The following RSF1 variants were observed in gnomAD, a reference collection of about 807,000 sequenced individuals.
RSF1 encodes the protein remodeling and spacing factor 1.
In RSF1, 13 loss-of-function variants were observed where a neutral mutation model predicts 145.2. The observed-to-expected ratio is 0.09, with a 90% CI of 0.06 to 0.14. RSF1 has a LOEUF of 0.14. Ranked by LOEUF, RSF1 falls within the 10% of genes least tolerant of loss-of-function variation. The pLI is 1.00. For synonymous variants in RSF1, 577 were observed against 592.6 expected (o/e 0.97, Z 0.38); for missense variants, 1,517 against 1,718.2 (o/e 0.88, Z 2.07).
intron 2 of RSF1, among the ~76,000 whole-genome samples, chr11:77,757,592 C>T (rs1196523211): frequency 9.2e-5 from 14 of 152,068 alleles, no homozygotes; most frequent in African/African-American, 2.9e-4. Context: ...GCAGGAGAAT[C>T]GCTTGAACCC....
intron 1 of RSF1, among the ~76,000 whole-genome samples, chr11:77,784,481 G>T (rs752965769): frequency 1.3e-5 from 2 of 151,088 alleles, no homozygotes; most frequent in Non-Finnish European, 2.9e-5. Flanking sequence ...GCTTCTTTGG[G>T]TTCATTTTTC....
At chr11:77,709,133 T>G (rs965745843) in intron 5 of RSF1, among the ~76,000 whole-genome samples, 1 of 152,160 alleles carries the variant, frequency 6.6e-6, no homozygotes, top group African/African-American at 2.4e-5. Context: ...AAAATCCTTT[T>G]TCTCTGGTAT....
the RSF1 span, among the ~76,000 whole-genome samples, chr11:77,870,333 T>A: frequency 7.4e-6 from 1 of 135,622 alleles, no homozygotes; most frequent in Admixed American, 7.3e-5. Flanking sequence ...TTTTTAATTT[T>A]TTTTTTTTTT....
chr11:77,829,853 T>C, the RSF1 span: 1 of 152,204 alleles, frequency 6.6e-6, no homozygotes, highest in Non-Finnish European at 1.5e-5. Context: ...AAATCAAGTC[T>C]GGGCACAGTT....
upstream of RSF1, chr11:77,820,995 T>G: frequency 1.0e-5 from 5 of 477,906 alleles, no homozygotes; most frequent in South Asian, 3.6e-5. Flanking sequence ...CACTGCCTCG[T>G]GTGACAGGGG....
intron 1 of RSF1, among the ~76,000 whole-genome samples, chr11:77,813,058 A>G (rs965822042): frequency 5.9e-5 from 9 of 152,092 alleles, no homozygotes; most frequent in African/African-American, 2.2e-4. Flanking sequence ...TAAACACTGC[A>G]AATTCCCCAC....
chr11:77,773,999 C>A (rs1401093955), intron 1 of RSF1, among the ~76,000 whole-genome samples: 1 of 152,110 alleles, frequency 6.6e-6, no homozygotes, highest in Non-Finnish European at 1.5e-5. Context: ...CTAAGTAAAA[C>A]CAGGAAAGGA....
At chr11:77,869,769 G>C in the RSF1 span, 1 of 1,614,006 alleles carries the variant, frequency 6.2e-7, no homozygotes, top group Non-Finnish European at 8.5e-7. Context: ...TTGTTGAGAA[G>C]GGTGTACAGA....
intron 4 of RSF1, among the ~76,000 whole-genome samples, chr11:77,733,104 T>C (rs1961247988): frequency 6.6e-6 from 1 of 152,216 alleles, no homozygotes; most frequent in South Asian, 2.1e-4. Flanking sequence ...ATGAAATTTA[T>C]AGGTTATGGG....
At chr11:77,693,925 C>T (rs1590833849) in intron 7 of RSF1, among the ~76,000 whole-genome samples, 2 of 152,102 alleles carry the variant, frequency 1.3e-5, no homozygotes, top group South Asian at 4.2e-4. Flanking sequence ...GCTGGGACTA[C>T]AGGTGCCTGC....
chr11:77,698,760 C>A, intron 6 of RSF1, 67 bp from the exon 7 acceptor site: 1 of 1,309,240 alleles, frequency 7.6e-7, no homozygotes, highest in Non-Finnish European at 1.1e-6. Flanking sequence ...CTCCTGATTA[C>A]ATGTCCATTG....
chr11:77,701,564 A>G lies in RSF1; in HGVS notation c.1665T>C (p.Ala555=). The part of the protein sequence containing the change: ...EMAKDLSSKT[A]LSSTESCTMK... ...TGGTACACGACTCGGTGGAAGATAA[A>G]GCAGTTTTTGAAGAGAGATCTTTTG... Residue 555 remains alanine (A), a synonymous_variant, in exon 6 of 16, where the codon GCT becomes GCC. Coordinates refer to ENST00000308488, the MANE Select transcript of RSF1 (RefSeq NM_016578.4). 2 of 1,614,036 alleles carry G rather than the reference A, an allele frequency of 1.2e-6. No individual in the cohort carries two copies. Among genetic ancestry groups the G allele is most frequent in the Non-Finnish European group, 1.7e-6 (2 of 1,179,990 alleles).
intron 1 of RSF1, among the ~76,000 whole-genome samples, chr11:77,791,132 T>C (rs926229040): frequency 1.6e-4 from 24 of 152,230 alleles, no homozygotes; most frequent in African/African-American, 5.5e-4. Context: ...AACTTCTCCC[T>C]GGGTATCTAG....
chr11:77,744,024 GTTAA>G (rs1336199368), intron 3 of RSF1, among the ~76,000 whole-genome samples: 3 of 151,960 alleles, frequency 2.0e-5, no homozygotes, highest in African/African-American at 4.8e-5. Context: ...ACTTTATTTA[GTTAA>G]TTAATTAATT....
At chr11:77,779,289 C>A (rs1266524877) in intron 1 of RSF1, among the ~76,000 whole-genome samples, 3 of 152,088 alleles carry the variant, frequency 2.0e-5, no homozygotes, top group African/African-American at 7.2e-5. Context: ...CTCACTGCAG[C>A]CTTCAACTCC....
At chr11:77,854,446 A>C in the RSF1 span, among the ~76,000 whole-genome samples, 2 of 152,366 alleles carry the variant, frequency 1.3e-5, no homozygotes, top group East Asian at 3.9e-4. Context: ...GCATTGGCTA[A>C]ATACTTCCAT....
chr11:77,689,406 A>G (rs141740418), intron 9 of RSF1, among the ~76,000 whole-genome samples: 1 of 152,336 alleles, frequency 6.6e-6, no homozygotes, highest in East Asian at 1.9e-4. Flanking sequence ...ACAAAAATCT[A>G]TCTCCTACCA....
chr11:77,712,020 C>A (rs1376543939), intron 5 of RSF1, among the ~76,000 whole-genome samples: 1 of 152,092 alleles, frequency 6.6e-6, no homozygotes, highest in East Asian at 1.9e-4. Flanking sequence ...GTTATACAAT[C>A]TAATGTGGAA....
intron 2 of RSF1, among the ~76,000 whole-genome samples, chr11:77,757,224 G>A (rs539617285): frequency 7.2e-5 from 11 of 152,286 alleles, no homozygotes; most frequent in African/African-American, 2.6e-4. Context: ...CTTTATGCTA[G>A]AGCCCTAGCA....
Sources: gnomAD v4.1 joint callset for allele counts (sites outside exome capture counted in the v4.1 genomes callset) on GRCh38, gnomAD v4.1.1 for gene constraint, MANE v1.5 for transcripts, NCBI Gene and HGNC (gene_info 2026-07-23, HGNC 2026-07-21) for gene names.